Variants in TMEM132C observed in about 807,000 individuals in gnomAD.
The protein encoded by TMEM132C is protein phosphatase 1, regulatory subunit 152.
In TMEM132C, 29 loss-of-function variants were observed where a neutral mutation model predicts 61.4. The observed-to-expected ratio is 0.47, with a 90% CI of 0.35 to 0.64. The LOEUF (loss-of-function observed/expected upper bound fraction) is 0.64, where lower values mean the gene tolerates loss of function less well. Among genes scored for constraint, TMEM132C ranks in the 30% least tolerant of loss-of-function variants. TMEM132C has a pLI of 0.00. For missense variants in TMEM132C, 1,408 were observed against 1,476.9 expected, an observed-to-expected ratio of 0.95 and a Z score of 0.76; for synonymous variants, 656 against 633.1, an observed-to-expected ratio of 1.04 and a Z score of -0.54.
intron 6 of TMEM132C, among the ~76,000 whole-genome samples, chr12:128,694,440 T>C (rs1328903234): frequency 2.0e-5 from 3 of 152,222 alleles, no homozygotes; most frequent in Non-Finnish European, 2.9e-5. Context: ...TAAAATTTAA[T>C]TGTGTTTCTA....
intron 1 of TMEM132C, among the ~76,000 whole-genome samples, chr12:128,330,896 T>G (rs946614574): frequency 1.4e-5 from 2 of 147,062 alleles, no homozygotes; most frequent in Admixed American, 1.3e-4. Flanking sequence ...CCTTTAAATG[T>G]ATACATATAT....
intron 1 of TMEM132C, among the ~76,000 whole-genome samples, chr12:128,310,466 G>A (rs964466170): frequency 3.3e-5 from 5 of 152,082 alleles, no homozygotes; most frequent in African/African-American, 7.2e-5. Flanking sequence ...GCTTCCAATC[G>A]TGGCAGAAAG....
intron 2 of TMEM132C, among the ~76,000 whole-genome samples, chr12:128,537,860 T>C (rs1873590696): frequency 2.0e-5 from 3 of 152,234 alleles, no homozygotes; most frequent in Non-Finnish European, 4.4e-5. Context: ...GCTTTGACAA[T>C]GGACCACAAT....
intron 3 of TMEM132C, among the ~76,000 whole-genome samples, chr12:128,602,535 G>A (rs1876233427): frequency 6.6e-6 from 1 of 152,232 alleles, no homozygotes; most frequent in Non-Finnish European, 1.5e-5. Context: ...ACCCTCTTGT[G>A]GCTTCCTTCA....
intron 1 of TMEM132C, among the ~76,000 whole-genome samples, chr12:128,295,523 C>T (rs560831432): frequency 8.6e-5 from 13 of 150,350 alleles, no homozygotes; most frequent in South Asian, 8.5e-4. Flanking sequence ...ATGTCCAGGG[C>T]GTCCTGTCTG....
intron 1 of TMEM132C, among the ~76,000 whole-genome samples, chr12:128,364,861 A>C (rs1873814094): frequency 6.6e-6 from 1 of 152,228 alleles, no homozygotes; most frequent in East Asian, 1.9e-4. Flanking sequence ...TGTTGCACTC[A>C]GAAAGGGGGC....
At chr12:128,655,253 C>T (rs190674035) in intron 4 of TMEM132C, among the ~76,000 whole-genome samples, 1 of 152,252 alleles carries the variant, frequency 6.6e-6, no homozygotes, top group African/African-American at 2.4e-5. Flanking sequence ...AGTTGTTATA[C>T]CGCACTGTGC....
intron 1 of TMEM132C, among the ~76,000 whole-genome samples, chr12:128,358,936 T>C (rs981518621): frequency 6.6e-6 from 1 of 152,190 alleles, no homozygotes; most frequent in Non-Finnish European, 1.5e-5. Context: ...GGTAGTATTA[T>C]AGCAAACCAG....
intron 1 of TMEM132C, among the ~76,000 whole-genome samples, chr12:128,322,795 T>A (rs1872375740): frequency 6.6e-6 from 1 of 152,254 alleles, no homozygotes; most frequent in Non-Finnish European, 1.5e-5. Flanking sequence ...CTCTGTTTTC[T>A]TTAAGGTTTC....
At chr12:128,582,591 A>G (rs1288111094) in intron 3 of TMEM132C, among the ~76,000 whole-genome samples, 3 of 152,072 alleles carry the variant, frequency 2.0e-5, no homozygotes, top group South Asian at 2.1e-4. Context: ...TACTGTTCTC[A>G]TGGTAGTGAA....
chr12:128,378,432 A>G (rs10082732), intron 1 of TMEM132C, among the ~76,000 whole-genome samples: 1 of 109,736 alleles, frequency 9.1e-6, no homozygotes, highest in African/African-American at 3.3e-5. Context: ...AGATTTTTTT[A>G]AAAAAATTAA....
chr12:128,461,756 T>A (rs1870540667), intron 2 of TMEM132C, among the ~76,000 whole-genome samples: 1 of 152,136 alleles, frequency 6.6e-6, no homozygotes, highest in Non-Finnish European at 1.5e-5. Context: ...GTGGTGATAG[T>A]GGTGTGTCAC....
In TMEM132C at chr12:128,543,973, G is replaced by T. The variant is rs1274387343; in HGVS notation, c.991G>T (p.Gly331Trp). Residue 331 changes from glycine (G) to tryptophan (W), a missense_variant, in exon 3 of 9, where the codon GGG becomes TGG. Coordinates refer to ENST00000435159, the MANE Select transcript of TMEM132C (RefSeq NM_001136103.3). ...LFILRAKVKK[G>W]VNILSAQTRE... ...TCCCCACAGAGCCAAGGTGAAGAAG[G>T]GGGTGAACATCCTGAGTGCTCAGAC... 1.3e-6 allele frequency: 2 copies of T among 1,546,244 alleles called. No homozygotes were observed. The highest frequency in any genetic ancestry group is 1.7e-6 in the Non-Finnish European group (2 of 1,144,742).
chr12:128,542,487 G>C (rs1006819895), intron 2 of TMEM132C, among the ~76,000 whole-genome samples: 1 of 151,994 alleles, frequency 6.6e-6, no homozygotes, highest in Non-Finnish European at 1.5e-5. Flanking sequence ...TGTATTTTTC[G>C]TAGAGACAAG....
At chr12:128,438,418 C>T (rs767106914) in intron 2 of TMEM132C, among the ~76,000 whole-genome samples, 3 of 152,226 alleles carry the variant, frequency 2.0e-5, no homozygotes, top group African/African-American at 2.4e-5. Context: ...CTGCACACAC[C>T]GGCTCCTCTT....
At chr12:128,609,677 G>A (rs1307023800) in intron 3 of TMEM132C, among the ~76,000 whole-genome samples, 1 of 152,128 alleles carries the variant, frequency 6.6e-6, no homozygotes, top group African/African-American at 2.4e-5. Context: ...CCTGAACTAG[G>A]TACAGAGAGC....
chr12:128,564,438 G>A (rs1345493656), intron 3 of TMEM132C, among the ~76,000 whole-genome samples: 1 of 152,158 alleles, frequency 6.6e-6, no homozygotes, highest in African/African-American at 2.4e-5. Context: ...TACAAACTGT[G>A]CCGCCTGGCC....
intron 3 of TMEM132C, among the ~76,000 whole-genome samples, chr12:128,576,081 C>T (rs1209222011): frequency 1.3e-5 from 2 of 152,114 alleles, no homozygotes; most frequent in Non-Finnish European, 2.9e-5. Context: ...ATGGTGAACC[C>T]TCCTCTCCAC....
intron 8 of TMEM132C, among the ~76,000 whole-genome samples, chr12:128,698,699 G>A (rs1171659736): frequency 6.6e-6 from 1 of 152,232 alleles, no homozygotes; most frequent in African/African-American, 2.4e-5. Flanking sequence ...TGCTCCATCA[G>A]AGCAGACAGT....
Sources: gnomAD v4.1 joint callset for allele counts (sites outside exome capture counted in the v4.1 genomes callset) on GRCh38, gnomAD v4.1.1 for gene constraint, MANE v1.5 for transcripts, NCBI Gene and HGNC (gene_info 2026-07-23, HGNC 2026-07-21) for gene names.